AJAP1: variants seen among roughly 807,000 people sequenced by gnomAD.
The protein encoded by AJAP1 is adherens junction-associated protein 1.
AJAP1 carries 5 observed loss-of-function variants against 35.0 expected under a neutral mutation model. That is an observed-to-expected ratio of 0.14 (90% CI 0.07 to 0.30). AJAP1 has a LOEUF of 0.30. Among genes scored for constraint, AJAP1 ranks in the 10% least tolerant of loss-of-function variants. The probability of loss-of-function intolerance (pLI) is 1.00; values close to 1 mark genes in which losing one functional copy is unlikely to be tolerated. For missense variants in AJAP1, 586 were observed against 571.0 expected (o/e 1.03, Z -0.27); for synonymous variants, 284 against 249.3 (o/e 1.14, Z -1.31).
Position 4,723,265 on chromosome 1 carries a change from C to T in AJAP1, c.829+10566C>T, listed in dbSNP as rs1640563916. 6.6e-6 allele frequency among the ~76,000 whole-genome samples: 1 copy of T among 152,192 alleles called. No individual in the cohort carries two copies. Among genetic ancestry groups the T allele is most frequent in the Non-Finnish European group, 1.5e-5 (1 of 68,034 alleles). ...GACGGGACCTTCACTCTTGTGACAT[C>T]CAGCCACCCTGGCGGCCGTCCAAGG... On this transcript the variant is annotated intron_variant, in intron 2 of 5. Coordinates refer to ENST00000378191, the MANE Select transcript of AJAP1 (RefSeq NM_018836.4). This position sits in a 1 kb window ranked among gnomAD's most constrained non-coding sequence, Gnocchi z 4.3.
At chr1:4,756,926 CT>C (rs1394053512) in intron 2 of AJAP1, among the ~76,000 whole-genome samples, 3 of 152,140 alleles carry the variant, frequency 2.0e-5, no homozygotes, top group Non-Finnish European at 4.4e-5. Flanking sequence ...CAGGCTGCCC[CT>C]AGCCCTCCCT....
chr1:4,740,747 C>T (rs1281928960), intron 2 of AJAP1, among the ~76,000 whole-genome samples: 1 of 129,994 alleles, frequency 7.7e-6, no homozygotes, highest in Non-Finnish European at 1.6e-5. Context: ...GATCGCACCA[C>T]TGCACTCCAG....
chr1:4,740,636 A>G (rs1161295931), intron 2 of AJAP1, among the ~76,000 whole-genome samples: 1 of 151,620 alleles, frequency 6.6e-6, no homozygotes, highest in African/African-American at 2.4e-5. Flanking sequence ...AATACAAAAA[A>G]TTAGCCGGGT....
rs780806292 is a variant in AJAP1 at position 4,712,163 on chromosome 1, C to T, written c.293C>T (p.Ala98Val). The T allele has an allele frequency of 3.8e-6, 6 of 1,564,590 alleles. No individual in the cohort carries two copies. The African/African-American group carries it at 6.8e-5, about 18-fold the overall frequency. Residue 98 changes from alanine to valine, a missense_variant, in exon 2 of 6, where the codon GCC becomes GTC. Coordinates refer to ENST00000378191, the MANE Select transcript of AJAP1 (RefSeq NM_018836.4). ...RIHGQMQMPR[A>V]RRAHRPRDQA... ...CACGGGCAGATGCAGATGCCTCGAG[C>T]CAGACGGGCCCACAGGCCCCGGGAC...
chr1:4,680,717 C>T (rs1639463142), intron 1 of AJAP1, among the ~76,000 whole-genome samples: 1 of 152,206 alleles, frequency 6.6e-6, no homozygotes, highest in Non-Finnish European at 1.5e-5. Context: ...GCTGTGTTTT[C>T]AGGTGCACTG....
chr1:4,681,203 C>G (rs188843587), intron 1 of AJAP1, among the ~76,000 whole-genome samples: 1 of 152,318 alleles, frequency 6.6e-6, no homozygotes, highest in East Asian at 1.9e-4. Context: ...CACTGTTAAC[C>G]CGCAGCCCGC....
chr1:4,769,490 C>T (rs1010267060), intron 2 of AJAP1, among the ~76,000 whole-genome samples: 2 of 152,186 alleles, frequency 1.3e-5, no homozygotes, highest in African/African-American at 4.8e-5. Flanking sequence ...GGGAATATCT[C>T]ACCCAGAGCT....
rs1283577874 is a variant in AJAP1 at position 4,783,407 on chromosome 1, A to T, written c.*922A>T. On this transcript the variant is annotated 3_prime_UTR_variant, in exon 6 of 6. Transcript: ENST00000378191. ...ATTTGCTAGACGGTTGGTGAGTGGCATCAAATGTGTGACTTACTATCTTGG... is the reference window on the plus strand; with the variant it reads ...ATTTGCTAGACGGTTGGTGAGTGGCTTCAAATGTGTGACTTACTATCTTGG... 6.7e-6 allele frequency: 1 copy of T among 148,722 alleles called. No homozygotes were observed. Among genetic ancestry groups the T allele is most frequent in the African/African-American group, 2.5e-5 (1 of 40,304 alleles). The allele number at this position is 148,722 out of a possible 1,614,324, so 9.2% of individuals were successfully genotyped here.
At chr1:4,682,015 A>G (rs1196940419) in intron 1 of AJAP1, among the ~76,000 whole-genome samples, 1 of 152,208 alleles carries the variant, frequency 6.6e-6, no homozygotes, top group Non-Finnish European at 1.5e-5. Flanking sequence ...GAGCACGAGG[A>G]ACATAGTAAG....
In AJAP1 at chr1:4,723,448, A is replaced by G. The variant is rs888341482; in HGVS notation, c.829+10749A>G. 2.6e-5 allele frequency among the ~76,000 whole-genome samples: 4 copies of G among 151,970 alleles called. No individual in the cohort carries two copies. Among genetic ancestry groups the G allele is most frequent in the African/African-American group, 9.7e-5 (4 of 41,380 alleles). On this transcript the variant is annotated intron_variant, in intron 2 of 5. Transcript: ENST00000378191. This position sits in a 1 kb window ranked among gnomAD's most constrained non-coding sequence, Gnocchi z 4.3. ...GACAGAGCGGGGACTGCAAGAGGGG[A>G]GAATGAAGGGGCAATTGGGGGTGAT...
intron 2 of AJAP1, among the ~76,000 whole-genome samples, chr1:4,755,956 G>A (rs1361297257): frequency 6.6e-6 from 1 of 152,062 alleles, no homozygotes; most frequent in South Asian, 2.1e-4. Flanking sequence ...GGATGACAAC[G>A]GATCAGAAAT....
At chr1:4,700,624 G>A (rs1227226883) in intron 1 of AJAP1, among the ~76,000 whole-genome samples, 2 of 152,210 alleles carry the variant, frequency 1.3e-5, no homozygotes, top group East Asian at 1.9e-4. Context: ...TGCTCAGGGG[G>A]AGATGGAGAG....
At chr1:4,707,316 A>T (rs554002727) in intron 1 of AJAP1, among the ~76,000 whole-genome samples, 76 of 152,272 alleles carry the variant, frequency 5.0e-4, no homozygotes, top group African/African-American at 1.6e-3. Flanking sequence ...CCTATTACAA[A>T]TGTACAGTTT....
At chr1:4,739,774 A>C (rs1317543199) in intron 2 of AJAP1, among the ~76,000 whole-genome samples, 1 of 152,136 alleles carries the variant, frequency 6.6e-6, no homozygotes, top group Non-Finnish European at 1.5e-5. Flanking sequence ...TTCACCACAC[A>C]GCATGGTTGT....
chr1:4,678,870 A>T (rs1557605459), intron 1 of AJAP1, among the ~76,000 whole-genome samples: 1 of 152,346 alleles, frequency 6.6e-6, no homozygotes, highest in Non-Finnish European at 1.5e-5. Flanking sequence ...TGTGAGCCAG[A>T]TGCATCTCAT....
At chr1:4,707,086 T>C (rs902168596) in intron 1 of AJAP1, among the ~76,000 whole-genome samples, 3 of 152,074 alleles carry the variant, frequency 2.0e-5, no homozygotes. Context: ...GTTCAGGGTG[T>C]CCCAGTGAGG....
At chr1:4,746,326 A>G (rs1641187552) in intron 2 of AJAP1, among the ~76,000 whole-genome samples, 1 of 152,132 alleles carries the variant, frequency 6.6e-6, no homozygotes, top group Admixed American at 6.6e-5. Context: ...GTCCCAGGCA[A>G]TTGAGATCCT....
chr1:4,706,392 T>G (rs1004565143), intron 1 of AJAP1, among the ~76,000 whole-genome samples: 1 of 152,176 alleles, frequency 6.6e-6, no homozygotes. Context: ...AAACTGGGGC[T>G]TGCAGAGTGG....
At chr1:4,687,553 G>A (rs138913183) in intron 1 of AJAP1, among the ~76,000 whole-genome samples, 140 of 152,324 alleles carry the variant, frequency 9.2e-4, no homozygotes, top group Middle Eastern at 3.4e-3. Flanking sequence ...AAGGAACAAG[G>A]AGTTTCAGGG....
Sources: gnomAD v4.1 joint callset for allele counts (sites outside exome capture counted in the v4.1 genomes callset) on GRCh38, gnomAD v4.1.1 for gene constraint, Gnocchi (gnomAD v3.1) non-coding constraint, MANE v1.5 for transcripts, NCBI Gene and HGNC (gene_info 2026-07-23, HGNC 2026-07-21) for gene names.